The following LRP6 variants were observed in gnomAD, a reference collection of about 807,000 sequenced individuals.
LRP6 encodes the protein low-density lipoprotein receptor-related protein 6.
In LRP6, 43 loss-of-function variants were observed where a neutral mutation model predicts 184.1. The observed-to-expected ratio is 0.23, with a 90% confidence interval of 0.18 to 0.30. The LOEUF (loss-of-function observed/expected upper bound fraction) is 0.30. Ranked by LOEUF, LRP6 falls within the 10% of genes least tolerant of loss-of-function variation. The pLI, the probability that LRP6 is intolerant of heterozygous loss-of-function variation, is 1.00. For synonymous variants in LRP6, 719 were observed against 684.9 expected (o/e 1.05, Z -0.78); for missense variants, 1,571 against 2,005.3 (o/e 0.78, Z 4.14).
chr12:12,261,216 C>T (rs12820350), intron 1 of LRP6, among the ~76,000 whole-genome samples: 1 of 152,066 alleles, frequency 6.6e-6, no homozygotes, highest in East Asian at 1.9e-4. Flanking sequence ...ATCAGGAGAT[C>T]GAGACCATCC....
intron 5 of LRP6, 64 bp downstream of exon 5, chr12:12,183,916 G>C: frequency 2.7e-6 from 4 of 1,501,042 alleles, no homozygotes; most frequent in Admixed American, 1.7e-5. Context: ...TGATTATAGA[G>C]AAAACAAATC....
intron 1 of LRP6, among the ~76,000 whole-genome samples, chr12:12,247,454 AC>A (rs1794308121): frequency 6.6e-6 from 1 of 152,186 alleles, no homozygotes; most frequent in African/African-American, 2.4e-5. Flanking sequence ...TTAAGGCCTC[AC>A]AAGCATTCTG....
Position 12,216,229 on chromosome 12 carries a change from CTCTA to C in LRP6, c.450-12833_450-12830del, listed in dbSNP as rs368956309. ...AGAAGACAGAAAGATTTGGAGACCC[CTCTA>C]TCTATCATAAGCCAAAAGCTATTAG... On this transcript the variant is annotated intron_variant, in intron 2 of 22. Coordinates refer to ENST00000261349, the MANE Select transcript of LRP6 (RefSeq NM_002336.3). Among the ~76,000 whole-genome samples, 252 of 152,254 alleles carry C rather than the reference CTCTA, an allele frequency of 1.7e-3. 4 individuals are homozygous for C. Among genetic ancestry groups the C allele is most frequent in the African/African-American group, 4.7e-3 (197 of 41,538 alleles).
chr12:12,232,166 G>A (rs1049834194), intron 2 of LRP6, among the ~76,000 whole-genome samples: 7 of 151,896 alleles, frequency 4.6e-5, no homozygotes, highest in African/African-American at 1.7e-4. Flanking sequence ...GGCAGATCAC[G>A]AGGTCAGGAG....
intron 7 of LRP6, among the ~76,000 whole-genome samples, chr12:12,177,763 C>T (rs1863232076): frequency 6.6e-6 from 1 of 151,960 alleles, no homozygotes; most frequent in South Asian, 2.1e-4. Flanking sequence ...CCACAAACAT[C>T]AATCTATAAA....
chr12:12,198,530 C>CTTTTTTTTT (rs56150307), intron 3 of LRP6, among the ~76,000 whole-genome samples: 3 of 76,992 alleles, frequency 3.9e-5, no homozygotes, highest in Non-Finnish European at 5.0e-5. Context: ...GAATTTTTCT[C>CTTTTTTTTT]TTTTTTTTTT....
At chr12:12,174,943 G>C (rs1267242120) in intron 7 of LRP6, among the ~76,000 whole-genome samples, 2 of 152,282 alleles carry the variant, frequency 1.3e-5, no homozygotes, top group Admixed American at 1.3e-4. Context: ...TCTTAAAGTA[G>C]GGAAGCTTAC....
chr12:12,139,596 C>T (rs1218033620), intron 15 of LRP6, among the ~76,000 whole-genome samples: 1 of 151,954 alleles, frequency 6.6e-6, no homozygotes, highest in East Asian at 1.9e-4. Context: ...TGGTGGCATG[C>T]GCCTGTAGTC....
chr12:12,251,459 G>A (rs771656162), intron 1 of LRP6, among the ~76,000 whole-genome samples: 1 of 151,890 alleles, frequency 6.6e-6, no homozygotes, highest in Non-Finnish European at 1.5e-5. Flanking sequence ...CACCTCCCGG[G>A]TTCATGCCAT....
chr12:12,146,888 T>C (rs952573195), intron 15 of LRP6, among the ~76,000 whole-genome samples: 3 of 152,158 alleles, frequency 2.0e-5, no homozygotes, highest in African/African-American at 7.2e-5. Context: ...CGCGGTGGCT[T>C]ACGCCTGTAA....
At chr12:12,180,009 A>C in intron 6 of LRP6, 28 bp from the exon 7 acceptor site, 1 of 1,573,848 alleles carries the variant, frequency 6.4e-7, no homozygotes, top group South Asian at 1.1e-5. Context: ...AAATGAGCTA[A>C]AAATAGATAA....
chr12:12,228,890 G>A (rs1363995736), intron 2 of LRP6, among the ~76,000 whole-genome samples: 2 of 152,144 alleles, frequency 1.3e-5, no homozygotes, highest in Non-Finnish European at 2.9e-5. Context: ...AGGCCCCAGC[G>A]AGCTAGGAAA....
intron 5 of LRP6, among the ~76,000 whole-genome samples, chr12:12,182,615 G>A (rs1278852883): frequency 6.6e-6 from 1 of 152,210 alleles, no homozygotes; most frequent in Non-Finnish European, 1.5e-5. Context: ...TCAAAAAACT[G>A]AGAAGAGGAG....
intron 2 of LRP6, among the ~76,000 whole-genome samples, chr12:12,229,135 C>G (rs902048359): frequency 2.6e-5 from 4 of 152,142 alleles, no homozygotes; most frequent in Admixed American, 2.6e-4. Flanking sequence ...CTTTGGGAGG[C>G]CAAGGCAGGT....
chr12:12,171,550 A>C (rs1467326889), intron 7 of LRP6, among the ~76,000 whole-genome samples: 1 of 146,496 alleles, frequency 6.8e-6, no homozygotes, highest in Non-Finnish European at 1.6e-5. Flanking sequence ...TAAATAAATA[A>C]ATAAATAAAT....
At chr12:12,150,050 C>T (rs1443325927) in intron 13 of LRP6, among the ~76,000 whole-genome samples, 4 of 152,108 alleles carry the variant, frequency 2.6e-5, no homozygotes, top group African/African-American at 4.8e-5. Flanking sequence ...AAAAACGGTA[C>T]TCTAACTTCC....
rs1864004534 is a variant in LRP6 at position 12,204,620 on chromosome 12, T to C, written c.450-1220A>G. On this transcript the variant is annotated intron_variant, in intron 2 of 22. Coordinates refer to ENST00000261349, the MANE Select transcript of LRP6 (RefSeq NM_002336.3). ...TACAGAAAAAGAAATTTTTCTTTGATGTAAAAGAAAAACTCTCTTGGGCTG... is the reference window on the plus strand; with the variant it reads ...TACAGAAAAAGAAATTTTTCTTTGACGTAAAAGAAAAACTCTCTTGGGCTG... Among the ~76,000 whole-genome samples the C allele has an allele frequency of 3.3e-5, 5 of 151,998 alleles. No individual in the cohort carries two copies. In the South Asian group the frequency reaches 1.0e-3, roughly 32 times the overall value.
chr12:12,244,895 A>G (rs995634747), intron 1 of LRP6, among the ~76,000 whole-genome samples: 1 of 152,196 alleles, frequency 6.6e-6, no homozygotes, highest in African/African-American at 2.4e-5. Flanking sequence ...TTGTTAAAAT[A>G]ACTCAGATAA....
chr12:12,124,591 G>A lies in LRP6; in HGVS notation c.4521C>T (p.Asn1507=). 1 of 1,612,910 alleles carries A rather than the reference G, an allele frequency of 6.2e-7. No individual in the cohort carries two copies. Among genetic ancestry groups the A allele is most frequent in the African/African-American group, 1.3e-5 (1 of 75,014 alleles). Residue 1507 remains asparagine (N), a synonymous_variant, in exon 22 of 23, where the codon AAC becomes AAT. Transcript: ENST00000261349. ...TGTATGACCTATGAGTGGAAGGACT[G>A]TTTGAAGAATATCCAAATTCCATAG... ...HYTMEFGYSS[N]SPSTHRSYSY...
Sources: gnomAD v4.1 joint callset for allele counts (sites outside exome capture counted in the v4.1 genomes callset) on GRCh38, gnomAD v4.1.1 for gene constraint, MANE v1.5 for transcripts, NCBI Gene and HGNC (gene_info 2026-07-23, HGNC 2026-07-21) for gene names.